Variants in ZNF583 observed in about 807,000 individuals in gnomAD.
ZNF583 encodes zinc finger protein L3-5.
In ZNF583, 30 loss-of-function variants were observed where a neutral mutation model predicts 55.3. The ratio of observed to expected loss-of-function variants is 0.54; its 90% CI spans 0.41 to 0.74. The LOEUF (loss-of-function observed/expected upper bound fraction) is 0.74, where lower values mean the gene tolerates loss of function less well. Among genes scored for constraint, ZNF583 ranks in the 30% least tolerant of loss-of-function variants. The pLI is 0.00. For synonymous variants in ZNF583, 208 were observed against 220.0 expected (o/e 0.95, Z 0.48); for missense variants, 504 against 664.7 (o/e 0.76, Z 2.66).
chr19:56,410,028 A>G (rs1018775018), intron 2 of ZNF583, among the ~76,000 whole-genome samples: 6 of 152,164 alleles, frequency 3.9e-5, no homozygotes, highest in African/African-American at 1.4e-4. Flanking sequence ...TAGTACCCTT[A>G]TCACTTCCTG....
chr19:56,413,621 T>A (rs2042271605), intron 2 of ZNF583, among the ~76,000 whole-genome samples: 1 of 152,188 alleles, frequency 6.6e-6, no homozygotes, highest in Non-Finnish European at 1.5e-5. Context: ...GATTTTCCAA[T>A]ATTGAGAAAT....
intron 2 of ZNF583, among the ~76,000 whole-genome samples, chr19:56,410,376 C>A (rs531848877): frequency 6.6e-6 from 1 of 152,240 alleles, no homozygotes; most frequent in Non-Finnish European, 1.5e-5. Context: ...GAAAATAATT[C>A]AAGACCTATG....
At chr19:56,410,220 AC>A (rs1309755850) in intron 2 of ZNF583, among the ~76,000 whole-genome samples, 1 of 151,982 alleles carries the variant, frequency 6.6e-6, no homozygotes, top group African/African-American at 2.4e-5. Context: ...CTTTACTCCC[AC>A]CCTGAATTGT....
chr19:56,407,200 C>G (rs1214485839), intron 2 of ZNF583, 77 bp downstream of exon 2: 3 of 1,542,142 alleles, frequency 1.9e-6, no homozygotes, highest in African/African-American at 2.7e-5. Context: ...GTTTTTCTTC[C>G]AAAATTCTGC....
In ZNF583 at chr19:56,420,346, A is replaced by G. The variant is rs533470780; in HGVS notation, c.233-2545A>G. On this transcript the variant is annotated intron_variant, in intron 4 of 4. Transcript: ENST00000333201. ...GGAGACTTGGTTTATGCCCCAGAATATAGTCTATCTTATTTACTGAACACA... is the reference window on the plus strand; with the variant it reads ...GGAGACTTGGTTTATGCCCCAGAATGTAGTCTATCTTATTTACTGAACACA... Among the ~76,000 whole-genome samples the G allele has an allele frequency of 5.9e-5, 9 of 152,308 alleles. No individual in the cohort carries two copies. The East Asian group carries it at 1.7e-3, about 29-fold the overall frequency.
At chr19:56,412,693 C>T (rs2042257280) in intron 2 of ZNF583, among the ~76,000 whole-genome samples, 1 of 152,180 alleles carries the variant, frequency 6.6e-6, no homozygotes, top group African/African-American at 2.4e-5. Flanking sequence ...CACACAGTCT[C>T]AGGAAAATTT....
chr19:56,422,569 A>G (rs1160742712), intron 4 of ZNF583, among the ~76,000 whole-genome samples: 5 of 152,180 alleles, frequency 3.3e-5, no homozygotes, highest in African/African-American at 1.2e-4. Context: ...TATAAAAGAT[A>G]ACTTAGCTTG....
chr19:56,426,531 T>C lies in ZNF583; in HGVS notation c.*2163T>C, dbSNP rs374625339. The stretch of plus-strand genomic sequence containing the variant: ...AATGGGAGAAAATTATTGCAGCACA[T>C]ATAAACTATGGAATTCATATCCTTA... On this transcript the variant is annotated 3_prime_UTR_variant, in exon 5 of 5. Transcript: ENST00000333201. 1 of 152,158 alleles carries C rather than the reference T, an allele frequency of 6.6e-6. No individual in the cohort carries two copies. The highest frequency in any genetic ancestry group is 1.5e-5 in the Non-Finnish European group (1 of 68,028). 9.4% of individuals were successfully genotyped at this position (152,158 alleles called of 1,614,324 possible).
At chr19:56,405,839 T>C (rs1358373706) in intron 1 of ZNF583, among the ~76,000 whole-genome samples, 3 of 152,220 alleles carry the variant, frequency 2.0e-5, no homozygotes, top group Non-Finnish European at 4.4e-5. Flanking sequence ...ACCATTTCAC[T>C]GATAGAGAAA....
intron 4 of ZNF583, among the ~76,000 whole-genome samples, chr19:56,416,229 G>A (rs1160396640): frequency 1.3e-5 from 2 of 151,496 alleles, no homozygotes; most frequent in South Asian, 2.1e-4. Flanking sequence ...AGGAGGCTGA[G>A]GCAGAGAATC....
At chr19:56,420,001 A>C (rs1323200158) in intron 4 of ZNF583, among the ~76,000 whole-genome samples, 2 of 151,344 alleles carry the variant, frequency 1.3e-5, no homozygotes, top group East Asian at 3.9e-4. Context: ...TCTTTTCCTC[A>C]CTTCTTGAGG....
At chr19:56,413,919 T>A in intron 2 of ZNF583, 40 bp from the exon 3 acceptor site, 1 of 1,612,916 alleles carries the variant, frequency 6.2e-7, no homozygotes, top group East Asian at 2.2e-5. Context: ...TGTGAGGATA[T>A]GAACACTAGT....
In ZNF583 at chr19:56,425,742, G is replaced by T. The variant is rs2042488137; in HGVS notation, c.*1374G>T. ...AAATTACTAAAATTTCAAAACTAGT[G>T]AAGAAAAGAAACCAAAACTGTAGGT... On this transcript the variant is annotated 3_prime_UTR_variant, in exon 5 of 5. Transcript: ENST00000333201. 1 of 152,114 alleles carries T rather than the reference G, an allele frequency of 6.6e-6. No individual in the cohort carries two copies. The highest frequency in any genetic ancestry group is 6.5e-5 in the Admixed American group (1 of 15,274). The allele number at this position is 152,114 out of a possible 1,614,324, so 9.4% of individuals were successfully genotyped here.
At chr19:56,410,973 A>T (rs1266160588) in intron 2 of ZNF583, among the ~76,000 whole-genome samples, 2 of 151,770 alleles carry the variant, frequency 1.3e-5, no homozygotes, top group East Asian at 3.9e-4. Flanking sequence ...CAATTCTTTA[A>T]CTTAAAAAGG....
chr19:56,421,361 G>A, intron 4 of ZNF583: 1 of 547,368 alleles, frequency 1.8e-6, no homozygotes, highest in African/African-American at 2.1e-5. Flanking sequence ...TTGCTCCTTG[G>A]CAGTCATTTC....
In ZNF583 at chr19:56,405,053, G is replaced by A. The variant is rs561315119; in HGVS notation, c.-90+601G>A. ...TGACAGTATGTGAGACCATGTCACC[G>A]TGTGTGAGGCTATGTGTGGTTGTGT... On this transcript the variant is annotated intron_variant, in intron 1 of 4. Transcript: ENST00000333201. Among the ~76,000 whole-genome samples the A allele has an allele frequency of 2.0e-5, 3 of 152,252 alleles. No homozygotes were observed. The South Asian group carries it at 6.2e-4, about 32-fold the overall frequency.
chr19:56,407,139 T>A lies in ZNF583; in HGVS notation c.9+16T>A. The A allele has an allele frequency of 6.2e-7, 1 of 1,614,032 alleles. No homozygotes were observed. Among genetic ancestry groups the A allele is most frequent in the Non-Finnish European group, 8.5e-7 (1 of 1,179,974 alleles). On this transcript the variant is annotated intron_variant, in intron 2 of 4. Transcript: ENST00000333201. ...CATGTCCAAGGTAAGGAAGCATTTCTTCTCTCTTCCCTAAAATGCCATCTT... is the reference window on the plus strand; with the variant it reads ...CATGTCCAAGGTAAGGAAGCATTTCATCTCTCTTCCCTAAAATGCCATCTT...
Position 56,423,158 on chromosome 19 carries a change from A to G in ZNF583, c.500A>G (p.Gln167Arg). 6.2e-7 allele frequency: 1 copy of G among 1,613,026 alleles called. No individual in the cohort carries two copies. The highest frequency in any genetic ancestry group is 1.7e-5 in the Admixed American group (1 of 59,874). ...AACAAATCTTGGCAAACATTCCACC[A>G]GGATACAATCTTTGATATACAACAG... The part of the protein sequence containing the change: ...EYNKSWQTFH[Q>R]DTIFDIQQSF... The change falls in exon 5 of 5, where the codon CAG (glutamine) becomes CGG (arginine). Residue 167 changes from glutamine (Q) to arginine (R), a missense_variant. Physicochemically the swap from Gln to Arg is conservative, Grantham distance 43. Around this residue, in one of 3 missense-constraint regions of ZNF583, gnomAD observed 204 missense variants for 235.2 expected, o/e 0.87. Transcript: ENST00000333201.
Position 56,414,393 on chromosome 19 carries a change from AAG to A in ZNF583, c.188_189del (p.Glu63AlafsTer15). On this transcript the variant is annotated frameshift_variant, in exon 4 of 5. Coordinates refer to ENST00000333201, the MANE Select transcript of ZNF583 (RefSeq NM_152478.3). LOFTEE classifies it high-confidence loss of function. ...GTGATCTCATTATTGGAGCAAGGAAAAGAGCCCTGGATGGTGAAGAAGGAGGG... is the reference window on the plus strand; with the variant it reads ...GTGATCTCATTATTGGAGCAAGGAAAAGCCCTGGATGGTGAAGAAGGAGGG... The A allele has an allele frequency of 6.2e-7, 1 of 1,614,170 alleles. No homozygotes were observed. Among genetic ancestry groups the A allele is most frequent in the Non-Finnish European group, 8.5e-7 (1 of 1,180,018 alleles).
Sources: allele counts gnomAD v4.1 joint callset (sites outside exome capture counted in the v4.1 genomes callset), GRCh38; gene constraint gnomAD v4.1.1; regional missense constraint gnomAD v4.1.1; transcripts MANE v1.5; gene names NCBI Gene and HGNC (gene_info 2026-07-23, HGNC 2026-07-21).